Variants in ATP2C1 observed in about 807,000 individuals in gnomAD.
ATP2C1 encodes the protein calcium-transporting ATPase type 2C member 1.
ATP2C1 carries 31 observed loss-of-function variants against 120.5 expected under a neutral mutation model. The ratio of observed to expected loss-of-function variants is 0.26; its 90% CI spans 0.19 to 0.35. ATP2C1 has a LOEUF of 0.35. Ranked by LOEUF, ATP2C1 falls within the 10% of genes least tolerant of loss-of-function variation. The pLI is 1.00. For synonymous variants in ATP2C1, 351 were observed against 358.7 expected, an observed-to-expected ratio of 0.98 and a Z score of 0.24; for missense variants, 731 against 1,107.5, an observed-to-expected ratio of 0.66 and a Z score of 4.83.
intron 2 of ATP2C1, among the ~76,000 whole-genome samples, chr3:130,908,542 G>A (rs1256514794): frequency 6.6e-6 from 1 of 151,452 alleles, no homozygotes; most frequent in African/African-American, 2.4e-5. Context: ...CACAGAAATA[G>A]TTAACAGAGA....
In ATP2C1 at chr3:130,979,520, T is replaced by G; in HGVS notation, c.1741+101T>G. On this transcript the variant is annotated intron_variant, in intron 19 of 27. Coordinates refer to ENST00000510168, the MANE Select transcript of ATP2C1 (RefSeq NM_001378687.1). The stretch of plus-strand genomic sequence containing the variant: ...AGTTATGAATATGTTTATGTAATAT[T>G]GAGATTATGCAATTGAAATCGACTC... 5 of 1,269,546 alleles carry G rather than the reference T, an allele frequency of 3.9e-6. No homozygotes were observed. In the South Asian group the frequency reaches 6.3e-5, roughly 16 times the overall value. 78.6% of individuals were successfully genotyped at this position (1,269,546 alleles called of 1,614,324 possible).
chr3:130,911,066 T>A (rs1341520237), intron 2 of ATP2C1, among the ~76,000 whole-genome samples: 1 of 152,104 alleles, frequency 6.6e-6, no homozygotes, highest in Non-Finnish European at 1.5e-5. Flanking sequence ...TGGCTGTGAA[T>A]CCATCTGGTC....
chr3:130,882,511 T>C (rs2068817734), intron 1 of ATP2C1, among the ~76,000 whole-genome samples: 1 of 152,170 alleles, frequency 6.6e-6, no homozygotes, highest in South Asian at 2.1e-4. Flanking sequence ...CAACTTTTAT[T>C]ATGTTGAGAT....
chr3:130,982,854 T>C (rs2061830255), intron 20 of ATP2C1, among the ~76,000 whole-genome samples: 1 of 152,166 alleles, frequency 6.6e-6, no homozygotes, highest in African/African-American at 2.4e-5. Context: ...AGAAGTTGTC[T>C]GTAATCTAAC....
In ATP2C1 at chr3:130,941,735, C is replaced by T. The variant is rs753568283; in HGVS notation, c.531+36C>T. On this transcript the variant is annotated intron_variant, in intron 8 of 27. Transcript: ENST00000510168. ...GATCTGATTGTAATAAGTGAAAATACGTGGATGTAGATTAAAGGATAAACA... is the reference window on the plus strand; with the variant it reads ...GATCTGATTGTAATAAGTGAAAATATGTGGATGTAGATTAAAGGATAAACA... The T allele has an allele frequency of 6.2e-6, 9 of 1,456,028 alleles. No individual in the cohort carries two copies. In the African/African-American group the frequency reaches 1.1e-4, roughly 18 times the overall value. The allele number at this position is 1,456,028 out of a possible 1,614,324, so 90.2% of individuals were successfully genotyped here.
At chr3:130,994,210 C>G (rs1252440280) in intron 22 of ATP2C1, 112 bp downstream of exon 22, 1 of 1,249,552 alleles carries the variant, frequency 8.0e-7, no homozygotes, top group African/African-American at 1.5e-5. Flanking sequence ...ATTAGGTAAA[C>G]TAAACCACTT....
chr3:130,930,953 G>A (rs2059423596), intron 3 of ATP2C1, among the ~76,000 whole-genome samples: 1 of 151,996 alleles, frequency 6.6e-6, no homozygotes, highest in South Asian at 2.1e-4. Context: ...GTTTTCTAAG[G>A]TAAAGTAAAA....
chr3:130,893,942 T>C (rs539960254), upstream of ATP2C1: 16 of 985,570 alleles, frequency 1.6e-5, no homozygotes, highest in Non-Finnish European at 1.9e-5. Context: ...TCCCAGCCCG[T>C]GAACACGAAT....
chr3:130,872,993 T>G (rs1469677644), intron 1 of ATP2C1, among the ~76,000 whole-genome samples: 8 of 152,080 alleles, frequency 5.3e-5, no homozygotes, highest in African/African-American at 1.9e-4. Context: ...TAAAAACAAG[T>G]GAATAGATGT....
intron 20 of ATP2C1, among the ~76,000 whole-genome samples, chr3:130,990,271 A>AAC (rs2062258155): frequency 4.8e-5 from 3 of 61,944 alleles, no homozygotes; most frequent in Admixed American, 3.1e-4. Context: ...GCTTAAGAGC[A>AAC]ACCCCCCCCC....
upstream of ATP2C1, chr3:130,893,839 C>G: frequency 6.4e-6 from 5 of 775,304 alleles, no homozygotes; most frequent in Non-Finnish European, 7.8e-6. Context: ...ACAAGGCGGG[C>G]CACCAACCCC....
intron 2 of ATP2C1, among the ~76,000 whole-genome samples, chr3:130,914,131 C>G (rs2058574577): frequency 6.6e-6 from 1 of 151,758 alleles, no homozygotes; most frequent in African/African-American, 2.4e-5. Context: ...ATATAAATGA[C>G]TAAATGTGAA....
chr3:130,870,208 C>CTGAA (rs1159473021), intron 1 of ATP2C1, among the ~76,000 whole-genome samples: 1 of 152,148 alleles, frequency 6.6e-6, no homozygotes, highest in Non-Finnish European at 1.5e-5. Flanking sequence ...TATTACTGCT[C>CTGAA]TTCACAGTGC....
At chr3:130,987,321 G>A (rs1335333029) in intron 20 of ATP2C1, among the ~76,000 whole-genome samples, 1 of 151,234 alleles carries the variant, frequency 6.6e-6, no homozygotes. Flanking sequence ...TCCTTTGTTT[G>A]TTTTTTGAGA....
chr3:130,892,635 C>T (rs1274166792), upstream of ATP2C1, among the ~76,000 whole-genome samples: 2 of 143,708 alleles, frequency 1.4e-5, no homozygotes, highest in African/African-American at 5.2e-5. Context: ...GCAACCCCGT[C>T]CGTTAATTTG....
chr3:130,969,957 A>G (rs948804661), intron 17 of ATP2C1, among the ~76,000 whole-genome samples: 2 of 152,226 alleles, frequency 1.3e-5, no homozygotes, highest in African/African-American at 4.8e-5. Flanking sequence ...TGAATTATCT[A>G]CAGTGTATAA....
intron 1 of ATP2C1, among the ~76,000 whole-genome samples, chr3:130,860,222 C>T (rs1209017294): frequency 6.6e-6 from 1 of 152,208 alleles, no homozygotes. Context: ...AGTTCATCTA[C>T]ACTTCGTTAG....
intron 1 of ATP2C1, among the ~76,000 whole-genome samples, chr3:130,860,076 A>G (rs2067967241): frequency 6.6e-6 from 1 of 152,246 alleles, no homozygotes; most frequent in Non-Finnish European, 1.5e-5. Flanking sequence ...TAGAAAGATA[A>G]TTTGGATACT....
chr3:130,923,134 G>C (rs2059039306), intron 2 of ATP2C1, among the ~76,000 whole-genome samples: 1 of 151,956 alleles, frequency 6.6e-6, no homozygotes, highest in African/African-American at 2.4e-5. Flanking sequence ...TATAAATTTG[G>C]GAGCTTCAAT....
Sources: allele counts gnomAD v4.1 joint callset (sites outside exome capture counted in the v4.1 genomes callset), GRCh38; gene constraint gnomAD v4.1.1; transcripts MANE v1.5; gene names NCBI Gene and HGNC (gene_info 2026-07-23, HGNC 2026-07-21).